The following BAHCC1 variants were observed in gnomAD, a reference collection of about 807,000 sequenced individuals.
BAHCC1 encodes BAH domain and coiled-coil containing 1.
In BAHCC1, 43 loss-of-function variants were observed where a neutral mutation model predicts 88.2. The observed-to-expected ratio is 0.49, with a 90% CI of 0.38 to 0.63. BAHCC1 has a LOEUF of 0.63. Ranked by LOEUF, BAHCC1 falls within the 20% of genes least tolerant of loss-of-function variation. The pLI is 0.00. For synonymous variants in BAHCC1, 1,510 were observed against 745.5 expected, an observed-to-expected ratio of 2.03 and a Z score of -16.71; for missense variants, 3,023 against 1,654.8, an observed-to-expected ratio of 1.83 and a Z score of -14.34.
In BAHCC1 at chr17:81,442,522, G is replaced by A; in HGVS notation, c.1173G>A (p.Gly391=). The A allele has an allele frequency of 1.4e-6, 1 of 729,296 alleles. No individual in the cohort carries two copies. Among genetic ancestry groups the A allele is most frequent in the Non-Finnish European group, 2.5e-6 (1 of 392,490 alleles). The allele number at this position is 729,296 out of a possible 1,614,324, so 45.2% of individuals were successfully genotyped here. The stretch of plus-strand genomic sequence containing the variant: ...CCCCCCGGGACCTAAAGGCCAGCGG[G>A]CCCACCTTCGTGCCTTCTGTGGGAC... ...DKAPRDLKAS[G]PTFVPSVGHL... is the part of the protein sequence containing the mutation. The change falls in exon 5 of 28, where the codon GGG becomes GGA. Residue 391 remains glycine (G), a synonymous_variant. Transcript: ENST00000675386.
intron 3 of BAHCC1, among the ~76,000 whole-genome samples, chr17:81,432,928 A>C (rs1232094187): frequency 2.1e-5 from 2 of 96,242 alleles, no homozygotes; most frequent in East Asian, 5.3e-4. Context: ...ATCCCCAGGA[A>C]GGCTGCGCTC....
chr17:81,403,254 G>A (rs1555646344), intron 2 of BAHCC1, among the ~76,000 whole-genome samples: 1 of 152,144 alleles, frequency 6.6e-6, no homozygotes, highest in Non-Finnish European at 1.5e-5. Context: ...CCCTCTCCAG[G>A]GGCCAGGGCT....
In BAHCC1 at chr17:81,399,492, G is replaced by GC. The variant is rs782143468; in HGVS notation, c.-206-36dup. 2.4e-5 allele frequency: 6 copies of GC among 249,362 alleles called. No homozygotes were observed. The highest frequency in any genetic ancestry group is 4.3e-5 in the Non-Finnish European group (5 of 116,230). 15.4% of individuals were successfully genotyped at this position (249,362 alleles called of 1,614,324 possible). On this transcript the variant is annotated intron_variant, in intron 1 of 27. Coordinates refer to ENST00000675386, the MANE Select transcript of BAHCC1 (RefSeq NM_001377448.1). The surrounding 1 kb of genome is among the most constrained non-coding windows in gnomAD (Gnocchi z 4.5). ...GGGCGGGGACCCCCGGGCGAGCCGA[G>GC]CCCCCCAGTCACCCGTGTCTCCTCT...
chr17:81,423,714 CTG>C (rs1409662235), intron 2 of BAHCC1, among the ~76,000 whole-genome samples: 22 of 152,320 alleles, frequency 1.4e-4, no homozygotes, highest in African/African-American at 5.1e-4. Flanking sequence ...GTGCAGAAAT[CTG>C]TGTGTGCTGT....
chr17:81,412,346 T>C (rs1406256701), intron 2 of BAHCC1, among the ~76,000 whole-genome samples: 1 of 152,236 alleles, frequency 6.6e-6, no homozygotes, highest in African/African-American at 2.4e-5. Context: ...TTGTAATGCA[T>C]TTTTGGGCTA....
intron 25 of BAHCC1, 70 bp downstream of exon 25, chr17:81,460,776 C>T (rs2030184103): frequency 2.6e-6 from 2 of 774,158 alleles, no homozygotes; most frequent in East Asian, 4.8e-5. Context: ...AACCAGGAGG[C>T]CCGTGGGGTA....
rs371458255 is a variant in BAHCC1, at chr17:81,411,110, C to T, written c.178+11193C>T. On this transcript the variant is annotated intron_variant, in intron 2 of 27. Transcript: ENST00000675386. This position sits in a 1 kb window ranked among gnomAD's most constrained non-coding sequence, Gnocchi z 6.2. ...GGTCACGCTCCCTTGTTCTCAGTCCCGCAGCCGTCCTCTGCGTGAGTCCAT... is the reference window on the plus strand; with the variant it reads ...GGTCACGCTCCCTTGTTCTCAGTCCTGCAGCCGTCCTCTGCGTGAGTCCAT... 557 of 519,400 alleles carry T rather than the reference C, an allele frequency of 1.1e-3. 1 individual carries two copies. The Middle Eastern group carries it at 0.018, about 17-fold the overall frequency. The allele number at this position is 519,400 out of a possible 1,614,324, so 32.2% of individuals were successfully genotyped here. A position where few individuals can be genotyped will look rare whatever the true frequency, so the allele number is the denominator to read the frequency against.
rs1598515994 is a variant in BAHCC1 at position 81,460,850 on chromosome 17, G to A, written c.6203-16G>A. ...GGGCCCAGCTGGGGCTGACTCTGCT[G>A]GGCTTTTGCCCTCAGGTAAAGCCGA... On this transcript the variant is annotated splice_polypyrimidine_tract_variant and intron_variant, in intron 25 of 27. Transcript: ENST00000675386. The A allele has an allele frequency of 1.3e-6, 1 of 766,564 alleles. No homozygotes were observed. Among genetic ancestry groups the A allele is most frequent in the South Asian group, 1.3e-5 (1 of 74,622 alleles). The allele number at this position is 766,564 out of a possible 1,614,324, so 47.5% of individuals were successfully genotyped here.
rs1488913408 is a variant in BAHCC1, at chr17:81,462,059, G to A, written c.7383+13G>A. The A allele has an allele frequency of 4.1e-6, 3 of 732,700 alleles. No homozygotes were observed. The highest frequency in any genetic ancestry group is 3.5e-5 in the African/African-American group (2 of 57,570). 45.4% of individuals were successfully genotyped at this position (732,700 alleles called of 1,614,324 possible). A position where few individuals can be genotyped will look rare whatever the true frequency, so the allele number is the denominator to read the frequency against. On this transcript the variant is annotated intron_variant, in intron 26 of 27. Transcript: ENST00000675386. Reference sequence around the variant, plus strand: ...GAATCCCACACAGGTAGGTCCAGCGGGAGGCGGGAGGAGCTCCTGGTTCCC... The same window carrying A: ...GAATCCCACACAGGTAGGTCCAGCGAGAGGCGGGAGGAGCTCCTGGTTCCC...
intron 10 of BAHCC1, 49 bp downstream of exon 10, chr17:81,445,730 C>G: frequency 1.4e-6 from 1 of 699,696 alleles, no homozygotes. Context: ...TCCAAGCCCT[C>G]CCACCCCTGC....
Position 81,447,700 on chromosome 17 carries a change from C to G in BAHCC1, c.3828C>G (p.Asp1276Glu), listed in dbSNP as rs1381812361. The G allele has an allele frequency of 2.7e-6, 2 of 735,010 alleles. No individual in the cohort carries two copies. Among genetic ancestry groups the G allele is most frequent in the Non-Finnish European group, 5.1e-6 (2 of 395,632 alleles). 45.5% of individuals were successfully genotyped at this position (735,010 alleles called of 1,614,324 possible). The change falls in exon 11 of 28, where the codon GAC (aspartate) becomes GAG (glutamate). Residue 1276 changes from aspartate (D) to glutamate (E), a missense_variant. Coordinates refer to ENST00000675386, the MANE Select transcript of BAHCC1 (RefSeq NM_001377448.1). ...TCAACCTGGGGGACCTGCCCAGCGA[C>G]AGCCCACCGGACCCTCAGCCCCCAG... is the stretch of plus-strand genomic sequence containing the variant. ...ATINLGDLPS[D>E]SPPDPQPPAA...
Position 81,412,854 on chromosome 17 carries a change from T to C in BAHCC1, c.178+12937T>C, listed in dbSNP as rs542195237. Among the ~76,000 whole-genome samples the C allele has an allele frequency of 4.6e-5, 7 of 152,336 alleles. No individual in the cohort carries two copies. In the South Asian group the frequency reaches 1.5e-3, roughly 32 times the overall value. ...GGTGTTGGCTGGGGCCTCGGACATATCCAGACCCAGCTGTGGGGAGTCCCC... is the reference window on the plus strand; with the variant it reads ...GGTGTTGGCTGGGGCCTCGGACATACCCAGACCCAGCTGTGGGGAGTCCCC... On this transcript the variant is annotated intron_variant, in intron 2 of 27. Coordinates refer to ENST00000675386, the MANE Select transcript of BAHCC1 (RefSeq NM_001377448.1).
chr17:81,462,007 C>A lies in BAHCC1; in HGVS notation c.7344C>A (p.Pro2448=), dbSNP rs782452028. The A allele has an allele frequency of 2.6e-6, 2 of 778,126 alleles. No homozygotes were observed. The highest frequency in any genetic ancestry group is 3.4e-5 in the Admixed American group (2 of 58,898). 48.2% of individuals were successfully genotyped at this position (778,126 alleles called of 1,614,324 possible). Residue 2448 remains proline, a synonymous_variant, in exon 26 of 28, where the codon CCC becomes CCA. Coordinates refer to ENST00000675386, the MANE Select transcript of BAHCC1 (RefSeq NM_001377448.1). ...GGCCAAAGATCTCAGCCTTCCTGCC[C>A]GCCCGGCAGCTCTGGAAGTGGTCGG... ...ENRPKISAFL[P]ARQLWKWSGN...
chr17:81,439,742 C>G (rs1212412015), intron 4 of BAHCC1, among the ~76,000 whole-genome samples: 1 of 152,042 alleles, frequency 6.6e-6, no homozygotes, highest in Non-Finnish European at 1.5e-5. Context: ...AAGGCCCCCA[C>G]AGGGCCTGGG....
chr17:81,444,146 G>A, intron 6 of BAHCC1: 2 of 602,820 alleles, frequency 3.3e-6, no homozygotes, highest in South Asian at 4.0e-5. Context: ...CAGGGGCCAG[G>A]AGATGGCCCC....
chr17:81,456,375 C>G lies in BAHCC1; in HGVS notation c.4648C>G (p.Pro1550Ala). ...GGCCCACAGGGTGGCCCAGCTGAAA[C>G]CCAAGGTCAAGAGCAAAGGGCTGCC... ...SVAHRVAQLK[P>A]KVKSKGLPTG... Residue 1550 changes from proline (P) to alanine (A), a missense_variant, in exon 16 of 28, where the codon CCC (proline) becomes GCC (alanine). Pro to Ala is a conservative substitution (Grantham distance 27). Coordinates refer to ENST00000675386, the MANE Select transcript of BAHCC1 (RefSeq NM_001377448.1). The G allele has an allele frequency of 1.1e-5, 8 of 723,996 alleles. No individual in the cohort carries two copies. The highest frequency in any genetic ancestry group is 1.5e-5 in the Non-Finnish European group (6 of 389,010). The allele number at this position is 723,996 out of a possible 1,614,324, so 44.8% of individuals were successfully genotyped here.
Position 81,399,150 on chromosome 17 carries a change from T to A in BAHCC1, c.-206-384T>A. ...GTGAGTGTGTGTGTGTGTGTGTGTGTGTGCGAGTGTGCGTGATGGCTTCGC... is the reference window on the plus strand; with the variant it reads ...GTGAGTGTGTGTGTGTGTGTGTGTGAGTGCGAGTGTGCGTGATGGCTTCGC... On this transcript the variant is annotated intron_variant, in intron 1 of 27. Coordinates refer to ENST00000675386, the MANE Select transcript of BAHCC1 (RefSeq NM_001377448.1). The surrounding 1 kb of genome is among the most constrained non-coding windows in gnomAD (Gnocchi z 4.5). 2.6e-6 allele frequency: 1 copy of A among 380,800 alleles called. No homozygotes were observed. Among genetic ancestry groups the A allele is most frequent in the Non-Finnish European group, 5.3e-6 (1 of 188,856 alleles). The allele number at this position is 380,800 out of a possible 1,614,324, so 23.6% of individuals were successfully genotyped here.
Position 81,450,973 on chromosome 17 carries a change from A to G in BAHCC1, c.3977-695A>G, listed in dbSNP as rs141460617. On this transcript the variant is annotated intron_variant, in intron 11 of 27. Coordinates refer to ENST00000675386, the MANE Select transcript of BAHCC1 (RefSeq NM_001377448.1). Reference sequence around the variant, plus strand: ...ACTGACCACTGGCCTCCCTGCAGCCATTGCTCTTTAGGTGTCCACACAGGC... The same window carrying G: ...ACTGACCACTGGCCTCCCTGCAGCCGTTGCTCTTTAGGTGTCCACACAGGC... The G allele has an allele frequency of 5.3e-3, 810 of 152,742 alleles. 3 individuals are homozygous for G. The highest frequency in any genetic ancestry group is 9.3e-3 in the Non-Finnish European group (634 of 68,098). The allele number at this position is 152,742 out of a possible 1,614,324, so 9.5% of individuals were successfully genotyped here.
intron 11 of BAHCC1, among the ~76,000 whole-genome samples, chr17:81,448,506 C>T (rs1457820418): frequency 1.3e-5 from 2 of 152,222 alleles, no homozygotes; most frequent in African/African-American, 2.4e-5. Context: ...GGAAAGCGCC[C>T]GCTTCCTGCC....
Sources: allele counts gnomAD v4.1 joint callset (sites outside exome capture counted in the v4.1 genomes callset), GRCh38; gene constraint gnomAD v4.1.1; non-coding constraint Gnocchi (gnomAD v3.1); transcripts MANE v1.5; gene names NCBI Gene and HGNC (gene_info 2026-07-23, HGNC 2026-07-21).